PKHD1: variants seen among roughly 807,000 people sequenced by gnomAD.
The protein encoded by PKHD1 is PKHD1 ciliary IPT domain containing fibrocystin/polyductin, also known as fibrocystin.
PKHD1 carries 291 observed loss-of-function variants against 412.0 expected under a neutral mutation model. That is an observed-to-expected ratio of 0.71 (90% CI 0.64 to 0.78). The LOEUF (loss-of-function observed/expected upper bound fraction) is 0.78. PKHD1 is among the 30% of genes least tolerant of loss of function. The pLI is 0.00. For missense variants in PKHD1, 4,825 were observed against 4,950.7 expected, an observed-to-expected ratio of 0.97 and a Z score of 0.76; for synonymous variants, 1,777 against 1,821.5, an observed-to-expected ratio of 0.98 and a Z score of 0.62.
At position 51,883,239 on chromosome 6, in the gene PKHD1, A is replaced by G; in HGVS notation, c.7216-12T>C. The G allele has an allele frequency of 6.2e-7, 1 of 1,612,082 alleles. No individual in the cohort carries two copies. The highest frequency in any genetic ancestry group is 8.5e-7 in the Non-Finnish European group (1 of 1,178,386). ...CTACTTCTAAAAATCTATAAAATAC[A>G]GCATGTTACAGCAAAGGTCTGAGGC... On this transcript the variant is annotated splice_polypyrimidine_tract_variant and intron_variant, in intron 45 of 66. Coordinates refer to ENST00000371117, the MANE Select transcript of PKHD1 (RefSeq NM_138694.4).
intron 35 of PKHD1, among the ~76,000 whole-genome samples, chr6:51,996,708 T>C (rs1797756094): frequency 6.6e-6 from 1 of 152,174 alleles, no homozygotes; most frequent in African/African-American, 2.4e-5. Context: ...GGTGACTTGT[T>C]TTCACCCCCT....
Position 52,056,944 on chromosome 6 carries a change from A to G in PKHD1, c.1548T>C (p.Leu516=), listed in dbSNP as rs1562249496. The G allele has an allele frequency of 2.5e-6, 4 of 1,613,852 alleles. No homozygotes were observed. Among genetic ancestry groups the G allele is most frequent in the African/African-American group, 2.7e-5 (2 of 74,928 alleles). The change falls in exon 17 of 67, where the codon CTT becomes CTC. Residue 516 remains leucine (L), a synonymous_variant. Coordinates refer to ENST00000371117, the MANE Select transcript of PKHD1 (RefSeq NM_138694.4). ...LNVSGRGNFF[L]TWDNVSSQPI... is the part of the protein sequence containing the mutation. Reference sequence around the variant, plus strand: ...GCTGACTAGAGACATTGTCCCAAGTAAGGAAGAAGTTTCCTCTGCCTGATA... The same window carrying G: ...GCTGACTAGAGACATTGTCCCAAGTGAGGAAGAAGTTTCCTCTGCCTGATA...
intron 43 of PKHD1, among the ~76,000 whole-genome samples, chr6:51,901,435 C>A (rs984899639): frequency 1.3e-5 from 2 of 151,930 alleles, no homozygotes; most frequent in African/African-American, 2.4e-5. Context: ...AAACCAAACA[C>A]CGCATATTCT....
intron 57 of PKHD1, among the ~76,000 whole-genome samples, chr6:51,752,139 C>A (rs1025060085): frequency 2.0e-5 from 3 of 152,112 alleles, no homozygotes; most frequent in Admixed American, 1.3e-4. Flanking sequence ...TCTTCCTCAA[C>A]CTTAGAATGG....
chr6:51,982,832 A>G (rs1176670020), intron 35 of PKHD1, among the ~76,000 whole-genome samples: 1 of 143,946 alleles, frequency 6.9e-6, no homozygotes, highest in African/African-American at 2.5e-5. Flanking sequence ...AATAATAAAT[A>G]AAAAATAAAA....
chr6:51,707,698 C>T (rs1780176339), intron 60 of PKHD1, among the ~76,000 whole-genome samples: 2 of 152,118 alleles, frequency 1.3e-5, no homozygotes, highest in African/African-American at 4.8e-5. Context: ...CCAGCCATGC[C>T]ACTTCTCTGA....
chr6:51,851,367 TTG>T (rs1258606022), intron 49 of PKHD1, among the ~76,000 whole-genome samples: 2 of 152,182 alleles, frequency 1.3e-5, no homozygotes, highest in Non-Finnish European at 2.9e-5. Context: ...TCTTTTTTCA[TTG>T]TGTCTCTTCC....
intron 2 of PKHD1, 107 bp from the exon 3 acceptor site, chr6:52,083,362 C>A: frequency 1.3e-6 from 1 of 777,954 alleles, no homozygotes; most frequent in Non-Finnish European, 2.3e-6. Context: ...ACCAGAAAGG[C>A]TTGATTAAGC....
intron 60 of PKHD1, among the ~76,000 whole-genome samples, chr6:51,695,833 T>C (rs572351683): frequency 6.6e-6 from 1 of 152,196 alleles, no homozygotes; most frequent in Non-Finnish European, 1.5e-5. Context: ...CTAAATGAAA[T>C]TTTTAATTCC....
Position 51,748,512 on chromosome 6 carries a change from C to T in PKHD1, c.9104G>A (p.Gly3035Glu). Residue 3035 changes from glycine (G) to glutamate (E), a missense_variant, in exon 58 of 67, where the codon GGA (glycine) becomes GAA (glutamate). Physicochemically the swap from Gly to Glu is moderately conservative, Grantham distance 98 (BLOSUM62 -2). Transcript: ENST00000371117. ...GGGIHAAASH[G>E]VLLNDNIVFG... is the part of the protein sequence containing the mutation. ...CACAATATTGTCATTTAAAAGTACT[C>T]CATGACTGGCAGCTGCATGAATGCC... 6.2e-7 allele frequency: 1 copy of T among 1,613,914 alleles called. No individual in the cohort carries two copies. Among genetic ancestry groups the T allele is most frequent in the South Asian group, 1.1e-5 (1 of 91,072 alleles).
Position 51,688,044 on chromosome 6 carries a change from C to T in PKHD1, c.10157-28075G>A, listed in dbSNP as rs570264383. ...TGTGACTTTTTTATGTCATATGTCA[C>T]CTGGATTACATTTTCACTCTGATGT... On this transcript the variant is annotated intron_variant, in intron 60 of 66. Coordinates refer to ENST00000371117, the MANE Select transcript of PKHD1 (RefSeq NM_138694.4). Among the ~76,000 whole-genome samples the T allele has an allele frequency of 4.6e-5, 7 of 152,268 alleles. No individual in the cohort carries two copies. The South Asian group carries it at 1.5e-3, about 32-fold the overall frequency.
chr6:52,033,696 A>T (rs979175876), intron 28 of PKHD1, among the ~76,000 whole-genome samples: 1 of 152,038 alleles, frequency 6.6e-6, no homozygotes, highest in African/African-American at 2.4e-5. Context: ...AATCAAAGTA[A>T]GTACTAGGAT....
At chr6:51,951,766 C>T (rs1212344633) in intron 36 of PKHD1, among the ~76,000 whole-genome samples, 1 of 152,106 alleles carries the variant, frequency 6.6e-6, no homozygotes, top group African/African-American at 2.4e-5. Flanking sequence ...TTTCTAGCTC[C>T]ACTTCCAGTC....
At chr6:51,673,107 T>C (rs1581993441) in intron 60 of PKHD1, among the ~76,000 whole-genome samples, 3 of 152,252 alleles carry the variant, frequency 2.0e-5, no homozygotes, top group Admixed American at 2.0e-4. Context: ...GATACCAAAA[T>C]AGAACTCTGA....
intron 28 of PKHD1, among the ~76,000 whole-genome samples, chr6:52,035,204 A>G (rs1346445144): frequency 6.6e-6 from 1 of 152,246 alleles, no homozygotes; most frequent in Non-Finnish European, 1.5e-5. Context: ...ATACTAGAAA[A>G]CAAAATTGCT....
rs536715763 is a variant in PKHD1, at chr6:51,699,416, G to A, written c.10157-39447C>T. ...AAGTTGTTGCATGTATCAATAGTTT[G>A]TCCCTTTTTACTTCTCAACACTAGT... On this transcript the variant is annotated intron_variant, in intron 60 of 66. Transcript: ENST00000371117. Among the ~76,000 whole-genome samples the A allele has an allele frequency of 9.9e-5, 15 of 152,224 alleles. 1 individual carries two copies. The South Asian group carries it at 3.1e-3, about 32-fold the overall frequency.
At chr6:51,895,729 C>T (rs2474896) in intron 43 of PKHD1, among the ~76,000 whole-genome samples, 95,955 of 151,854 alleles carry the variant, frequency 0.63, 31,244 homozygotes, top group East Asian at 0.94. Flanking sequence ...AGAAGACAGG[C>T]GATTTCTGCA....
In PKHD1 at chr6:52,058,771, C is replaced by CTCTATCTATCTATCTA. The variant is rs56342114; in HGVS notation, c.1234-186_1234-171dup. Reference sequence around the variant, plus strand: ...TGTGGTTATTTATGCTTCTCCAGCTCTCTATCTATCTATCTATCTATCTAT... The same window carrying CTCTATCTATCTATCTA: ...TGTGGTTATTTATGCTTCTCCAGCTCTCTATCTATCTATCTATCTATCTATCTATCTATCTATCTAT... On this transcript the variant is annotated intron_variant, in intron 15 of 66. Transcript: ENST00000371117. Among the ~76,000 whole-genome samples the CTCTATCTATCTATCTA allele has an allele frequency of 1.0e-3, 153 of 149,300 alleles. 1 individual carries two copies. Among genetic ancestry groups the CTCTATCTATCTATCTA allele is most frequent in the Non-Finnish European group, 1.3e-3 (89 of 67,396 alleles).
chr6:51,743,110 T>G (rs1187642608), intron 60 of PKHD1, among the ~76,000 whole-genome samples: 1 of 152,112 alleles, frequency 6.6e-6, no homozygotes, highest in East Asian at 1.9e-4. Context: ...GGCTTGTAGC[T>G]GGGACTTCAT....
Sources: allele counts gnomAD v4.1 joint callset (sites outside exome capture counted in the v4.1 genomes callset), GRCh38; gene constraint gnomAD v4.1.1; transcripts MANE v1.5; gene names NCBI Gene and HGNC (gene_info 2026-07-23, HGNC 2026-07-21).